The following C11orf24 variants were observed in gnomAD, a reference collection of about 807,000 sequenced individuals.
The protein encoded by C11orf24 is uncharacterized protein C11orf24.
A neutral mutation model predicts 7.3 loss-of-function variants in C11orf24; 5 were observed. The observed-to-expected ratio is 0.69, with a 90% CI of 0.36 to 1.45. The LOEUF (loss-of-function observed/expected upper bound fraction) is 1.45, where lower values mean the gene tolerates loss of function less well. C11orf24 is among the 40% of genes most tolerant of loss of function. C11orf24 has a pLI of 0.03. For missense variants in C11orf24, 566 were observed against 590.5 expected (o/e 0.96, Z 0.43); for synonymous variants, 233 against 235.7 (o/e 0.99, Z 0.11).
At chr11:68,269,324 C>A (rs1392855874) in intron 1 of C11orf24, among the ~76,000 whole-genome samples, 1 of 152,196 alleles carries the variant, frequency 6.6e-6, no homozygotes, top group African/African-American at 2.4e-5. Flanking sequence ...TAGGAGCCAA[C>A]CAAAACTTCG....
Position 68,262,243 on chromosome 11 carries a change from G to A in C11orf24, c.752C>T (p.Pro251Leu), listed in dbSNP as rs565569082. The A allele has an allele frequency of 3.7e-6, 6 of 1,613,042 alleles. No homozygotes were observed. In the African/African-American group the frequency reaches 4.0e-5, roughly 11 times the overall value. ...TAASPVPPMR[P>L]QAQGPISQVS... ...CTGGCTAATGGGACCTTGTGCTTGG[G>A]GACGCATAGGGGGTACAGGGCTTGC... The change falls in exon 4 of 4, where the codon CCC (proline) becomes CTC (leucine). Residue 251 changes from proline to leucine, a missense_variant. By Grantham distance (98) the Pro-to-Leu change is moderately conservative. Transcript: ENST00000304271.
At chr11:68,269,689 C>T (rs575501861) in intron 1 of C11orf24, among the ~76,000 whole-genome samples, 8 of 152,334 alleles carry the variant, frequency 5.3e-5, no homozygotes, top group Non-Finnish European at 7.3e-5. Flanking sequence ...GGCACACACA[C>T]GGAGCAGGTC....
intron 2 of C11orf24, among the ~76,000 whole-genome samples, chr11:68,266,125 G>A (rs1259900608): frequency 6.6e-6 from 1 of 152,234 alleles, no homozygotes; most frequent in Non-Finnish European, 1.5e-5. Context: ...AGCACTGCCT[G>A]CGTTCCAACT....
chr11:68,264,513 T>TCCAC (rs2098563668), intron 2 of C11orf24, among the ~76,000 whole-genome samples: 1 of 136,482 alleles, frequency 7.3e-6, no homozygotes, highest in African/African-American at 2.8e-5. Context: ...CACTCATCCA[T>TCCAC]CCACCCACTC....
Position 68,262,641 on chromosome 11 carries a change from G to A in C11orf24, c.354C>T (p.Ser118=), listed in dbSNP as rs2098562514. ...TCATACTGGAGGCCGCAGTCGTAAT[G>A]GAGGCCGCAGTCGTACTGGAGGCCA... ...TAVASSTTAA[S]ITTAASSMTV... The change falls in exon 4 of 4, where the codon TCC becomes TCT. Residue 118 remains serine, a synonymous_variant. Coordinates refer to ENST00000304271, the MANE Select transcript of C11orf24 (RefSeq NM_022338.4). The A allele has an allele frequency of 1.2e-6, 2 of 1,613,884 alleles. No individual in the cohort carries two copies. Among genetic ancestry groups the A allele is most frequent in the African/African-American group, 2.7e-5 (2 of 74,894 alleles).
intron 2 of C11orf24, among the ~76,000 whole-genome samples, chr11:68,266,736 T>C (rs1249512611): frequency 1.3e-5 from 2 of 152,138 alleles, no homozygotes; most frequent in Non-Finnish European, 2.9e-5. Flanking sequence ...AGCTGGGCTT[T>C]TGATAAATAT....
At chr11:68,271,092 C>T (rs2098567696) in intron 1 of C11orf24, among the ~76,000 whole-genome samples, 1 of 152,118 alleles carries the variant, frequency 6.6e-6, no homozygotes, top group African/African-American at 2.4e-5. Context: ...TTAGGCAGAT[C>T]CACTGTATAA....
chr11:68,271,298 AC>A (rs2153104609), intron 1 of C11orf24, among the ~76,000 whole-genome samples: 1 of 152,286 alleles, frequency 6.6e-6, no homozygotes, highest in East Asian at 1.9e-4. Flanking sequence ...CTAAGCAGCC[AC>A]ACGGGGGCTA....
rs201033890 is a variant in C11orf24, at chr11:68,261,951, C to A, written c.1044G>T (p.Glu348Asp). The A allele has an allele frequency of 6.2e-7, 1 of 1,613,974 alleles. No homozygotes were observed. Among genetic ancestry groups the A allele is most frequent in the Non-Finnish European group, 8.5e-7 (1 of 1,180,040 alleles). The change falls in exon 4 of 4, where the codon GAG (glutamate) becomes GAT (aspartate). Residue 348 changes from glutamate to aspartate, a missense_variant. By Grantham distance (45) the Glu-to-Asp change is conservative. Coordinates refer to ENST00000304271, the MANE Select transcript of C11orf24 (RefSeq NM_022338.4). The part of the protein sequence containing the change: ...PGTSQAPEQV[E>D]TEATPGTDST... ...AATCAGTACCTGGTGTGGCTTCAGT[C>A]TCTACCTGCTCCGGTGCCTGGGATG...
intron 3 of C11orf24, 121 bp from the exon 4 acceptor site, chr11:68,263,039 G>C: frequency 1.3e-6 from 1 of 773,638 alleles, no homozygotes; most frequent in Non-Finnish European, 2.1e-6. Flanking sequence ...AGCCAGAGTC[G>C]GGGGAGGTGA....
chr11:68,261,832 G>A lies in C11orf24; in HGVS notation c.1163C>T (p.Thr388Ile), dbSNP rs2098561837. ...PSTQGQYMVV[T>I]TEPLTQAVVD... ...CACGGCCTGGGTGAGGGGCTCAGTG[G>A]TGACCACCATGTACTGGCCTTGGGT... Residue 388 changes from threonine to isoleucine, a missense_variant, in exon 4 of 4, where the codon ACC becomes ATC. Transcript: ENST00000304271. 1 of 1,614,184 alleles carries A rather than the reference G, an allele frequency of 6.2e-7. No individual in the cohort carries two copies. Among genetic ancestry groups the A allele is most frequent in the Non-Finnish European group, 8.5e-7 (1 of 1,180,058 alleles).
intron 2 of C11orf24, among the ~76,000 whole-genome samples, chr11:68,265,316 C>T (rs1331454535): frequency 1.3e-5 from 2 of 152,138 alleles, no homozygotes; most frequent in Non-Finnish European, 2.9e-5. Flanking sequence ...GAGGCAGGGG[C>T]AGCCAGTGAG....
rs1458668625 is a variant in C11orf24, at chr11:68,262,549, G to A, written c.446C>T (p.Thr149Ile). 28 of 1,611,052 alleles carry A rather than the reference G, an allele frequency of 1.7e-5. No homozygotes were observed. Among genetic ancestry groups the A allele is most frequent in the Non-Finnish European group, 2.4e-5 (28 of 1,177,854 alleles). The change falls in exon 4 of 4, where the codon ACT (threonine) becomes ATT (isoleucine). Residue 149 changes from threonine to isoleucine, a missense_variant. Coordinates refer to ENST00000304271, the MANE Select transcript of C11orf24 (RefSeq NM_022338.4). ...GGCCGCAGTCATACTGGAGGCTGCA[G>A]TCGTGGGAGCAATGGAGGCCACAGT... ...STTVASIAPT[T>I]AASSMTAASS...
chr11:68,264,442 CCACT>C (rs2098563543), intron 2 of C11orf24, among the ~76,000 whole-genome samples: 1 of 148,004 alleles, frequency 6.8e-6, no homozygotes, highest in African/African-American at 2.5e-5. Flanking sequence ...ATCCATCCAT[CCACT>C]TACCCACTTA....
rs144699148 is a variant in C11orf24 at position 68,262,026 on chromosome 11, C to T, written c.969G>A (p.Thr323=). Residue 323 remains threonine (T), a synonymous_variant, in exon 4 of 4, where the codon ACG becomes ACA. Coordinates refer to ENST00000304271, the MANE Select transcript of C11orf24 (RefSeq NM_022338.4). ...PIPEMEAMSP[T]TQPSPMPYTQ... Reference sequence around the variant, plus strand: ...TATATGGCATGGGGCTTGGCTGTGTCGTGGGGGACATGGCCTCCATCTCAG... The same window carrying T: ...TATATGGCATGGGGCTTGGCTGTGTTGTGGGGGACATGGCCTCCATCTCAG... The T allele has an allele frequency of 5.5e-5, 89 of 1,613,252 alleles. No individual in the cohort carries two copies. The African/African-American group carries it at 9.9e-4, about 18-fold the overall frequency.
At position 68,268,631 on chromosome 11, in the gene C11orf24, G is replaced by C. The variant is rs2098566431; in HGVS notation, c.-297-380C>G. On this transcript the variant is annotated intron_variant, in intron 1 of 3. Transcript: ENST00000304271. ...CGCTTGAAACCAGAAGGTGGAGGTT[G>C]CAGTGAGCCGAGATTGAGCCACTGC... 2.0e-5 allele frequency among the ~76,000 whole-genome samples: 3 copies of C among 152,314 alleles called. No homozygotes were observed. The South Asian group carries it at 6.2e-4, about 32-fold the overall frequency.
At chr11:68,264,667 CCT>C (rs2153103730) in intron 2 of C11orf24, among the ~76,000 whole-genome samples, 10 of 3,132 alleles carry the variant, frequency 3.2e-3, no homozygotes, top group African/African-American at 3.6e-3. Flanking sequence ...CCCACCATAT[CCT>C]ATCCATCTGT....
At chr11:68,271,238 T>G (rs1172621296) in intron 1 of C11orf24, among the ~76,000 whole-genome samples, 2 of 152,174 alleles carry the variant, frequency 1.3e-5, no homozygotes, top group Non-Finnish European at 2.9e-5. Context: ...TGGCAAACCA[T>G]GCGTGTGGAG....
chr11:68,268,870 T>A (rs1001481613), intron 1 of C11orf24, among the ~76,000 whole-genome samples: 1 of 152,168 alleles, frequency 6.6e-6, no homozygotes, highest in African/African-American at 2.4e-5. Flanking sequence ...CATTCATATA[T>A]AAAATACTAT....
Sources: gnomAD v4.1 joint callset for allele counts (sites outside exome capture counted in the v4.1 genomes callset) on GRCh38, gnomAD v4.1.1 for gene constraint, MANE v1.5 for transcripts, NCBI Gene and HGNC (gene_info 2026-07-23, HGNC 2026-07-21) for gene names.